Variants in CDH18 observed in about 807,000 individuals in gnomAD.
CDH18 encodes the protein cadherin 18, also known as cadherin-18.
In CDH18, 31 loss-of-function variants were observed where a neutral mutation model predicts 67.9. The observed-to-expected ratio is 0.46, with a 90% confidence interval of 0.34 to 0.62. The LOEUF (loss-of-function observed/expected upper bound fraction) is 0.62, where lower values mean the gene tolerates loss of function less well. CDH18 is among the 20% of genes least tolerant of loss of function. The pLI is 0.01. For synonymous variants in CDH18, 362 were observed against 347.2 expected, an observed-to-expected ratio of 1.04 and a Z score of -0.48; for missense variants, 890 against 975.5, an observed-to-expected ratio of 0.91 and a Z score of 1.17.
At chr5:20,435,004 G>A (rs891267066) in intron 1 of CDH18, among the ~76,000 whole-genome samples, 10 of 152,130 alleles carry the variant, frequency 6.6e-5, no homozygotes, top group Admixed American at 2.0e-4. Context: ...GTGTCTTCAA[G>A]CAAGCTATTT....
intron 3 of CDH18, among the ~76,000 whole-genome samples, chr5:19,823,970 A>C (rs1780152467): frequency 6.6e-6 from 1 of 152,198 alleles, no homozygotes; most frequent in Admixed American, 6.5e-5. Flanking sequence ...CTTGCTCCTA[A>C]ATGACTTTTG....
At chr5:20,187,082 A>C (rs1738160448) in intron 2 of CDH18, among the ~76,000 whole-genome samples, 1 of 151,900 alleles carries the variant, frequency 6.6e-6, no homozygotes. Context: ...AAGGAACTTA[A>C]AGTAGTCAAA....
intron 2 of CDH18, among the ~76,000 whole-genome samples, chr5:20,217,997 C>G (rs566272473): frequency 2.6e-5 from 4 of 151,628 alleles, no homozygotes; most frequent in Admixed American, 1.3e-4. Flanking sequence ...TATATGTACC[C>G]CACACTGAAG....
At chr5:20,195,212 A>C (rs1218698612) in intron 2 of CDH18, among the ~76,000 whole-genome samples, 1 of 152,036 alleles carries the variant, frequency 6.6e-6, no homozygotes, top group African/African-American at 2.4e-5. Flanking sequence ...CAGTGAACCA[A>C]GAAATTTACT....
chr5:19,970,101 GAGAAACAAATGGTCAGTAA>G (rs1202762873), intron 2 of CDH18, among the ~76,000 whole-genome samples: 3 of 151,780 alleles, frequency 2.0e-5, no homozygotes, highest in African/African-American at 7.3e-5. Flanking sequence ...ACAGGGGAGT[GAGAAACAAATGGTCAGTAA>G]AGAACCATTG....
At chr5:20,054,746 G>A (rs1741753766) in intron 2 of CDH18, among the ~76,000 whole-genome samples, 1 of 152,112 alleles carries the variant, frequency 6.6e-6, no homozygotes. Context: ...CAATTTTTTA[G>A]TTACCTAGAC....
intron 1 of CDH18, among the ~76,000 whole-genome samples, chr5:20,352,033 C>A (rs1180818043): frequency 1.3e-5 from 2 of 152,116 alleles, no homozygotes; most frequent in Admixed American, 6.5e-5. Flanking sequence ...GCTTATAAAG[C>A]AGTATTTAAT....
Position 19,849,655 on chromosome 5 carries a change from C to CAT in CDH18, c.-256-10415_-256-10414dup, listed in dbSNP as rs1266960203. Reference sequence around the variant, plus strand: ...ATATATACACGCATATATATATAAACATATATATATACACGCATATATATA... The same window carrying CAT: ...ATATATACACGCATATATATATAAACATATATATATATACACGCATATATATA... On this transcript the variant is annotated intron_variant, in intron 2 of 12. Coordinates refer to ENST00000382275, the MANE Select transcript of CDH18 (RefSeq NM_004934.5). 3.3e-4 allele frequency among the ~76,000 whole-genome samples: 11 copies of CAT among 33,328 alleles called. 1 individual carries two copies. The highest frequency in any genetic ancestry group is 7.4e-4 in the Admixed American group (2 of 2,690). 21.9% of individuals were successfully genotyped at this position (33,328 alleles called of 152,430 possible).
chr5:19,620,146 A>G (rs145593483), intron 5 of CDH18, among the ~76,000 whole-genome samples: 1 of 152,290 alleles, frequency 6.6e-6, no homozygotes, highest in African/African-American at 2.4e-5. Flanking sequence ...GGAAGATTCA[A>G]TACTTCTCTA....
chr5:20,066,116 C>A (rs1742958271), intron 2 of CDH18, among the ~76,000 whole-genome samples: 1 of 151,958 alleles, frequency 6.6e-6, no homozygotes, highest in Non-Finnish European at 1.5e-5. Context: ...AAAACTACAT[C>A]AACAGAGAAT....
At chr5:20,554,738 A>G (rs1757809384) in intron 1 of CDH18, among the ~76,000 whole-genome samples, 2 of 152,162 alleles carry the variant, frequency 1.3e-5, no homozygotes, top group Non-Finnish European at 2.9e-5. Context: ...AACCTGCAGT[A>G]GTGAGTGGAT....
intron 3 of CDH18, among the ~76,000 whole-genome samples, chr5:19,813,311 A>C (rs1017565222): frequency 6.6e-6 from 1 of 152,134 alleles, no homozygotes; most frequent in African/African-American, 2.4e-5. Context: ...CAATAGGCAC[A>C]ATGGAATAAA....
intron 2 of CDH18, among the ~76,000 whole-genome samples, chr5:20,192,357 T>C (rs1170175784): frequency 6.6e-6 from 1 of 152,158 alleles, no homozygotes; most frequent in African/African-American, 2.4e-5. Context: ...TTAGTTTAAT[T>C]AGATCCCCTT....
chr5:19,823,669 T>C (rs1237515589), intron 3 of CDH18, among the ~76,000 whole-genome samples: 8 of 152,172 alleles, frequency 5.3e-5, no homozygotes, highest in Admixed American at 5.2e-4. Flanking sequence ...GACAGATCAT[T>C]AAGGCAGAAA....
intron 3 of CDH18, among the ~76,000 whole-genome samples, chr5:19,822,740 C>T (rs991581598): frequency 1.3e-5 from 2 of 152,000 alleles, no homozygotes; most frequent in African/African-American, 4.8e-5. Flanking sequence ...AGGACTGGGG[C>T]GAAATTAAAA....
At chr5:19,743,712 A>C (rs1246426949) in intron 4 of CDH18, among the ~76,000 whole-genome samples, 1 of 152,066 alleles carries the variant, frequency 6.6e-6, no homozygotes, top group Non-Finnish European at 1.5e-5. Flanking sequence ...TTTGAGACCA[A>C]GAGTTCAAGA....
intron 1 of CDH18, chr5:20,303,999 G>A (rs1736182440): frequency 1.9e-6 from 2 of 1,050,242 alleles, no homozygotes; most frequent in Non-Finnish European, 3.0e-6. Flanking sequence ...AGGGATGGTG[G>A]AAGAAGCAGC....
At chr5:19,662,141 A>AC in intron 5 of CDH18, among the ~76,000 whole-genome samples, 1 of 100,026 alleles carries the variant, frequency 1.0e-5, no homozygotes, top group Middle Eastern at 5.8e-3. Context: ...TTTAAAGATG[A>AC]CTTTTTTTTT....
chr5:20,336,923 C>T lies in CDH18; in HGVS notation c.-579-81418G>A, dbSNP rs367623585. Among the ~76,000 whole-genome samples, 7 of 152,086 alleles carry T rather than the reference C, an allele frequency of 4.6e-5. No homozygotes were observed. In the South Asian group the frequency reaches 6.2e-4, roughly 14 times the overall value. ...TCCCCATGGGTTTTGCTCAGGCACTCATGGATAATAACCAAGATGGACTCA... is the reference window on the plus strand; with the variant it reads ...TCCCCATGGGTTTTGCTCAGGCACTTATGGATAATAACCAAGATGGACTCA... On this transcript the variant is annotated intron_variant, in intron 1 of 14. Transcript: ENST00000507958.
Sources: allele counts gnomAD v4.1 joint callset (sites outside exome capture counted in the v4.1 genomes callset), GRCh38; gene constraint gnomAD v4.1.1; transcripts MANE v1.5; gene names NCBI Gene and HGNC (gene_info 2026-07-23, HGNC 2026-07-21).